Variants in MEIG1 observed in about 807,000 individuals in gnomAD.
The protein encoded by MEIG1 is meiosis/spermiogenesis associated 1, also known as meiosis expressed gene 1 protein homolog.
MEIG1 carries 12 observed loss-of-function variants against 11.3 expected under a neutral mutation model. The observed-to-expected ratio is 1.07, with a 90% CI of 0.68 to 1.73. MEIG1 has a LOEUF of 1.73. Ranked by LOEUF, MEIG1 falls within the 40% of genes most tolerant of loss-of-function variation. MEIG1 has a pLI of 0.00. For synonymous variants in MEIG1, 41 were observed against 33.2 expected, an observed-to-expected ratio of 1.24 and a Z score of -0.81; for missense variants, 119 against 104.9, an observed-to-expected ratio of 1.13 and a Z score of -0.59.
At chr10:14,969,143 C>T (rs989644769) in intron 2 of MEIG1, among the ~76,000 whole-genome samples, 1 of 152,134 alleles carries the variant, frequency 6.6e-6, no homozygotes, top group African/African-American at 2.4e-5. Context: ...CCTAAAGATA[C>T]ACAAGCCTCA....
chr10:14,963,424 C>T (rs1430795459), intron 1 of MEIG1, among the ~76,000 whole-genome samples: 5 of 152,100 alleles, frequency 3.3e-5, no homozygotes, highest in Non-Finnish European at 7.4e-5. Context: ...TTCTTAGAAC[C>T]TTTTTCCTGT....
downstream of MEIG1, among the ~76,000 whole-genome samples, chr10:14,973,113 G>A (rs554309222): frequency 5.6e-4 from 85 of 152,160 alleles, no homozygotes; most frequent in African/African-American, 2.0e-3. Flanking sequence ...TGATCTGCCC[G>A]CCTCAGCCTC....
chr10:14,977,299 T>C (rs1843219408), downstream of MEIG1, among the ~76,000 whole-genome samples: 1 of 152,074 alleles, frequency 6.6e-6, no homozygotes, highest in African/African-American at 2.4e-5. Flanking sequence ...CTTACTCTTC[T>C]AGGGTGATGT....
At chr10:14,955,765 C>CA (rs775144560), upstream of MEIG1, among the ~76,000 whole-genome samples, 2 of 152,150 alleles carry the variant, frequency 1.3e-5, no homozygotes, top group Non-Finnish European at 2.9e-5. Flanking sequence ...CCATGATACT[C>CA]AGAGTTCTAT....
chr10:14,981,282 T>C (rs9943452), intron 1 of MEIG1, among the ~76,000 whole-genome samples: 20,382 of 150,018 alleles, frequency 0.14, 2,469 homozygotes, highest in African/African-American at 0.32. Flanking sequence ...CTCGGGGGAC[T>C]GTAAGGGTCA....
At chr10:14,963,190 A>AG (rs1843035915) in intron 1 of MEIG1, among the ~76,000 whole-genome samples, 1 of 150,656 alleles carries the variant, frequency 6.6e-6, no homozygotes, top group East Asian at 2.0e-4. Flanking sequence ...TCTGCCCCCC[A>AG]GGTTCAAGCA....
At chr10:14,962,865 A>T (rs1409883561) in intron 1 of MEIG1, among the ~76,000 whole-genome samples, 1 of 151,882 alleles carries the variant, frequency 6.6e-6, no homozygotes, top group Non-Finnish European at 1.5e-5. Flanking sequence ...CCCAGGTTCA[A>T]GCAGTTCTCT....
chr10:14,957,878 C>A (rs546081690), upstream of MEIG1, among the ~76,000 whole-genome samples: 2 of 152,248 alleles, frequency 1.3e-5, no homozygotes, highest in Non-Finnish European at 2.9e-5. Flanking sequence ...GAACTCCTGA[C>A]CTCGTGATCT....
chr10:14,966,462 T>C lies in MEIG1; in HGVS notation c.-7T>C. Reference sequence around the variant, plus strand: ...CAGATATTATTGATAATAAGGCCTCTGTAACCATGGCTAGTTCTGACGTAA... The same window carrying C: ...CAGATATTATTGATAATAAGGCCTCCGTAACCATGGCTAGTTCTGACGTAA... On this transcript the variant is annotated 5_prime_UTR_variant, in exon 2 of 3. Transcript: ENST00000407572. 1 of 1,597,622 alleles carries C rather than the reference T, an allele frequency of 6.3e-7. No homozygotes were observed. The highest frequency in any genetic ancestry group is 8.5e-7 in the Non-Finnish European group (1 of 1,174,622).
chr10:14,967,369 A>G (rs10159658), intron 2 of MEIG1, among the ~76,000 whole-genome samples: 97,406 of 151,878 alleles, frequency 0.64, 31,550 homozygotes, highest in Admixed American at 0.68. Flanking sequence ...CGTGACTTTG[A>G]TAGTATATCC....
intron 1 of MEIG1, among the ~76,000 whole-genome samples, chr10:14,981,235 T>G (rs999797664): frequency 2.7e-5 from 4 of 148,358 alleles, no homozygotes; most frequent in Admixed American, 2.7e-4. Context: ...TCTTCTCTCT[T>G]GGCCTGGCTC....
At chr10:14,981,515 T>C (rs993263680) in intron 1 of MEIG1, among the ~76,000 whole-genome samples, 11 of 151,986 alleles carry the variant, frequency 7.2e-5, no homozygotes, top group Admixed American at 2.0e-4. Context: ...ATGTCAAGAG[T>C]CTTTTTGGAT....
chr10:14,960,611 G>A (rs1843001416), intron 1 of MEIG1, among the ~76,000 whole-genome samples: 1 of 151,936 alleles, frequency 6.6e-6, no homozygotes, highest in Admixed American at 6.5e-5. Flanking sequence ...GTAGAGACGG[G>A]GTTTCACTTT....
chr10:14,967,618 A>G (rs1843101887), intron 2 of MEIG1, among the ~76,000 whole-genome samples: 1 of 151,848 alleles, frequency 6.6e-6, no homozygotes, highest in Non-Finnish European at 1.5e-5. Flanking sequence ...GATTCTTAAG[A>G]GACGTGTTTT....
intron 1 of MEIG1, among the ~76,000 whole-genome samples, chr10:14,984,399 G>A (rs927515002): frequency 5.9e-5 from 9 of 152,080 alleles, no homozygotes; most frequent in African/African-American, 1.7e-4. Context: ...GATATTATTC[G>A]TAATATTGTA....
intron 1 of MEIG1, among the ~76,000 whole-genome samples, chr10:14,984,517 C>G (rs577324597): frequency 2.1e-4 from 32 of 151,952 alleles, no homozygotes; most frequent in African/African-American, 4.1e-4. Flanking sequence ...ACCTTGTGGT[C>G]TTATTCTTCT....
intron 1 of MEIG1, among the ~76,000 whole-genome samples, chr10:14,984,221 C>T (rs1485684749): frequency 2.0e-5 from 3 of 148,024 alleles, no homozygotes; most frequent in Non-Finnish European, 4.5e-5. Flanking sequence ...GAGCCCACCC[C>T]CCTGCGATGT....
chr10:14,981,261 C>T (rs1157356942), intron 1 of MEIG1, among the ~76,000 whole-genome samples: 1 of 150,688 alleles, frequency 6.6e-6, no homozygotes, highest in Non-Finnish European at 1.5e-5. Flanking sequence ...AGAAAAGTCT[C>T]CATTCCTCCT....
chr10:14,955,990 T>TCTCA (rs1842941114), upstream of MEIG1, among the ~76,000 whole-genome samples: 1 of 152,210 alleles, frequency 6.6e-6, no homozygotes, highest in Non-Finnish European at 1.5e-5. Context: ...GTCCGAAGAA[T>TCTCA]CTCACGGTAG....
Sources: allele counts gnomAD v4.1 joint callset (sites outside exome capture counted in the v4.1 genomes callset), GRCh38; gene constraint gnomAD v4.1.1; transcripts MANE v1.5; gene names NCBI Gene and HGNC (gene_info 2026-07-23, HGNC 2026-07-21).